Variants in CADPS2 observed in about 807,000 individuals in gnomAD.
CADPS2 encodes the protein calcium dependent secretion activator 2.
CADPS2 carries 93 observed loss-of-function variants against 172.5 expected under a neutral mutation model. The ratio of observed to expected loss-of-function variants is 0.54; its 90% CI spans 0.46 to 0.64. CADPS2 has a LOEUF of 0.64. Ranked by LOEUF, CADPS2 falls within the 30% of genes least tolerant of loss-of-function variation. The pLI, the probability that CADPS2 is intolerant of heterozygous loss-of-function variation, is 0.00. For synonymous variants in CADPS2, 546 were observed against 555.2 expected (o/e 0.98, Z 0.23); for missense variants, 1,420 against 1,565.9 (o/e 0.91, Z 1.57).
intron 1 of CADPS2, among the ~76,000 whole-genome samples, chr7:122,853,913 G>A (rs903023543): frequency 1.3e-5 from 2 of 152,134 alleles, no homozygotes; most frequent in African/African-American, 4.8e-5. Context: ...GGCGCCCAAG[G>A]CAAAGTCCCA....
At chr7:122,437,256 A>C (rs1318072871) in intron 17 of CADPS2, among the ~76,000 whole-genome samples, 1 of 152,154 alleles carries the variant, frequency 6.6e-6, no homozygotes, top group Non-Finnish European at 1.5e-5. Flanking sequence ...AGGAGGTTTC[A>C]TGTTGTTACT....
chr7:122,544,034 G>T (rs2063366333), intron 8 of CADPS2, among the ~76,000 whole-genome samples: 1 of 152,074 alleles, frequency 6.6e-6, no homozygotes, highest in Non-Finnish European at 1.5e-5. Context: ...ATCTTGTAAA[G>T]ATAAACATTC....
chr7:122,884,169 T>G (rs975123873), intron 1 of CADPS2, among the ~76,000 whole-genome samples: 5 of 152,180 alleles, frequency 3.3e-5, no homozygotes, highest in Admixed American at 1.3e-4. Flanking sequence ...TTTTTACACT[T>G]TAATCATTAA....
At chr7:122,599,556 A>C (rs1369279518) in intron 6 of CADPS2, among the ~76,000 whole-genome samples, 3 of 151,930 alleles carry the variant, frequency 2.0e-5, no homozygotes, top group Non-Finnish European at 4.4e-5. Flanking sequence ...GTGAAATATA[A>C]ATGTTTCTAT....
At chr7:122,488,886 G>A (rs1456049527) in intron 11 of CADPS2, among the ~76,000 whole-genome samples, 1 of 152,152 alleles carries the variant, frequency 6.6e-6, no homozygotes, top group Non-Finnish European at 1.5e-5. Context: ...TAGCTCTGAT[G>A]AAACACTCTT....
chr7:122,546,791 C>T (rs917983405), intron 8 of CADPS2, among the ~76,000 whole-genome samples: 2 of 152,056 alleles, frequency 1.3e-5, no homozygotes, highest in Non-Finnish European at 2.9e-5. Flanking sequence ...CATTCCTCTC[C>T]GTATACAGTC....
At chr7:122,816,036 C>A (rs1409865228) in intron 1 of CADPS2, among the ~76,000 whole-genome samples, 1 of 152,090 alleles carries the variant, frequency 6.6e-6, no homozygotes, top group Non-Finnish European at 1.5e-5. Context: ...TCCAATTCCA[C>A]TGTTTTAGTT....
At chr7:122,429,248 T>G (rs1290064875) in intron 17 of CADPS2, among the ~76,000 whole-genome samples, 1 of 150,800 alleles carries the variant, frequency 6.6e-6, no homozygotes, top group Non-Finnish European at 1.5e-5. Context: ...ATACGTGAAG[T>G]TGAAAAATCA....
Position 122,463,131 on chromosome 7 carries a change from C to T in CADPS2, c.2186+8244G>A, listed in dbSNP as rs536077568. ...CTTAACCACACAAATCCTGTTTGCA[C>T]TGCCTAAAGAATACATATATTTTTT... On this transcript the variant is annotated intron_variant, in intron 14 of 29. Transcript: ENST00000449022. Among the ~76,000 whole-genome samples, 273 of 152,084 alleles carry T rather than the reference C, an allele frequency of 1.8e-3. 2 individuals carry two copies. The highest frequency in any genetic ancestry group is 6.2e-3 in the African/African-American group (256 of 41,488).
intron 25 of CADPS2, among the ~76,000 whole-genome samples, chr7:122,362,621 T>C (rs545835845): frequency 6.6e-6 from 1 of 152,312 alleles, no homozygotes; most frequent in East Asian, 1.9e-4. Flanking sequence ...TCCTTAGAAC[T>C]AAAATAATAT....
chr7:122,462,098 G>GA (rs2054523946), intron 14 of CADPS2, among the ~76,000 whole-genome samples: 2 of 152,070 alleles, frequency 1.3e-5, no homozygotes, highest in African/African-American at 2.4e-5. Flanking sequence ...ACATTCTTCA[G>GA]AAAAAAGGAA....
At chr7:122,695,528 T>TA (rs959098179) in intron 2 of CADPS2, among the ~76,000 whole-genome samples, 3 of 152,194 alleles carry the variant, frequency 2.0e-5, no homozygotes, top group East Asian at 1.9e-4. Flanking sequence ...ACACTAAGAT[T>TA]AAAACTGTTT....
intron 17 of CADPS2, among the ~76,000 whole-genome samples, chr7:122,433,764 G>A (rs551737342): frequency 6.6e-6 from 1 of 152,126 alleles, no homozygotes; most frequent in African/African-American, 2.4e-5. Context: ...TAGAGTTGCC[G>A]ACCTGTACAG....
chr7:122,626,633 T>C (rs2076117497), intron 4 of CADPS2, among the ~76,000 whole-genome samples: 1 of 152,190 alleles, frequency 6.6e-6, no homozygotes, highest in African/African-American at 2.4e-5. Context: ...TGTTTACTCC[T>C]TATTGTGGGG....
At chr7:122,325,839 CAG>C (rs1430038670) in intron 28 of CADPS2, among the ~76,000 whole-genome samples, 1 of 151,992 alleles carries the variant, frequency 6.6e-6, no homozygotes, top group Non-Finnish European at 1.5e-5. Flanking sequence ...TTCACGGAAA[CAG>C]TGTTTTTGCA....
chr7:122,588,273 T>G (rs551736266), intron 6 of CADPS2, among the ~76,000 whole-genome samples: 2 of 151,942 alleles, frequency 1.3e-5, no homozygotes, highest in Middle Eastern at 3.4e-3. Context: ...AATTTTATCA[T>G]GAAATCTTTG....
chr7:122,356,165 C>T lies in CADPS2; in HGVS notation c.3504+4623G>A, dbSNP rs148412863. ...TTCCATGATATCATTCAGGATACCACGTTACATTTAGTAATTTGGTCTCCT... is the reference window on the plus strand; with the variant it reads ...TTCCATGATATCATTCAGGATACCATGTTACATTTAGTAATTTGGTCTCCT... On this transcript the variant is annotated intron_variant, in intron 27 of 29. Transcript: ENST00000449022. Among the ~76,000 whole-genome samples, 372 of 152,246 alleles carry T rather than the reference C, an allele frequency of 2.4e-3. 1 individual carries two copies. Among genetic ancestry groups the T allele is most frequent in the African/African-American group, 8.4e-3 (350 of 41,530 alleles).
At chr7:122,610,909 T>G (rs990327725) in intron 6 of CADPS2, among the ~76,000 whole-genome samples, 1 of 152,038 alleles carries the variant, frequency 6.6e-6, no homozygotes, top group Admixed American at 6.6e-5. Context: ...GCCACTGGAG[T>G]GACATGGTAG....
At chr7:122,789,648 G>A (rs1370891749) in intron 1 of CADPS2, among the ~76,000 whole-genome samples, 1 of 152,124 alleles carries the variant, frequency 6.6e-6, no homozygotes, top group African/African-American at 2.4e-5. Context: ...AACGTCTACA[G>A]ATAAATATGT....
Sources: allele counts gnomAD v4.1 joint callset (sites outside exome capture counted in the v4.1 genomes callset), GRCh38; gene constraint gnomAD v4.1.1; transcripts MANE v1.5; gene names NCBI Gene and HGNC (gene_info 2026-07-23, HGNC 2026-07-21).